The following LAMA2 variants were observed in gnomAD, a reference collection of about 807,000 sequenced individuals.
LAMA2 encodes laminin subunit alpha 2, also known as laminin subunit alpha-2.
A neutral mutation model predicts 364.8 loss-of-function variants in LAMA2; 269 were observed. The observed-to-expected ratio is 0.74, with a 90% CI of 0.67 to 0.82. The LOEUF (loss-of-function observed/expected upper bound fraction) is 0.82, where lower values mean the gene tolerates loss of function less well. Among genes scored for constraint, LAMA2 ranks in the 40% least tolerant of loss-of-function variants. The pLI is 0.00. For synonymous variants in LAMA2, 1,379 were observed against 1,370.6 expected, an observed-to-expected ratio of 1.01 and a Z score of -0.14; for missense variants, 3,807 against 3,873.2, an observed-to-expected ratio of 0.98 and a Z score of 0.45.
intron 29 of LAMA2, among the ~76,000 whole-genome samples, chr6:129,334,841 C>T (rs1280520796): frequency 1.3e-5 from 2 of 152,038 alleles, no homozygotes; most frequent in Non-Finnish European, 2.9e-5. Context: ...GCCCTAATCC[C>T]ACTCATGAGG....
chr6:129,074,316 G>T (rs1353378302), intron 3 of LAMA2, among the ~76,000 whole-genome samples: 1 of 152,164 alleles, frequency 6.6e-6, no homozygotes, highest in East Asian at 1.9e-4. Context: ...AAGAATGTAG[G>T]TCTCATTTCT....
At chr6:129,459,699 C>T (rs996565598) in intron 48 of LAMA2, among the ~76,000 whole-genome samples, 1 of 152,056 alleles carries the variant, frequency 6.6e-6, no homozygotes, top group African/African-American at 2.4e-5. Context: ...TGTCCCCTTT[C>T]TTCTGATCTC....
intron 10 of LAMA2, among the ~76,000 whole-genome samples, chr6:129,189,244 A>T (rs574086583): frequency 7.9e-6 from 1 of 126,112 alleles, no homozygotes; most frequent in Non-Finnish European, 1.9e-5. Flanking sequence ...GGAATTTTTT[A>T]AAAAGCCTCA....
intron 9 of LAMA2, among the ~76,000 whole-genome samples, chr6:129,170,795 A>T (rs1263434937): frequency 1.3e-5 from 2 of 150,044 alleles, no homozygotes; most frequent in South Asian, 2.1e-4. Context: ...CCCATTATTA[A>T]TGTGTGGGAG....
intron 12 of LAMA2, among the ~76,000 whole-genome samples, chr6:129,245,204 A>G (rs1785667506): frequency 6.6e-6 from 1 of 152,086 alleles, no homozygotes; most frequent in African/African-American, 2.4e-5. Flanking sequence ...AATGGAATGA[A>G]CCGCTCTCAC....
intron 4 of LAMA2, among the ~76,000 whole-genome samples, chr6:129,134,821 G>T (rs1035864003): frequency 2.0e-5 from 3 of 152,142 alleles, no homozygotes; most frequent in African/African-American, 4.8e-5. Flanking sequence ...CCCTGCTTTA[G>T]CCCTCAACTC....
At chr6:129,033,430 T>A (rs1365899459) in intron 1 of LAMA2, among the ~76,000 whole-genome samples, 1 of 152,300 alleles carries the variant, frequency 6.6e-6, no homozygotes, top group South Asian at 2.1e-4. Flanking sequence ...CATCAAAGCA[T>A]AGATGAGTCT....
At chr6:129,491,879 T>C (rs755527183) in intron 56 of LAMA2, 22 bp from the exon 57 acceptor site, 36 of 1,564,262 alleles carry the variant, frequency 2.3e-5, no homozygotes, top group Admixed American at 5.0e-5. Context: ...CTTATACTTG[T>C]TTATTTTTAA....
At chr6:129,219,914 A>G (rs902119648) in intron 12 of LAMA2, among the ~76,000 whole-genome samples, 3 of 151,444 alleles carry the variant, frequency 2.0e-5, no homozygotes, top group African/African-American at 7.4e-5. Flanking sequence ...GCACATGTAT[A>G]CATATGTAAC....
At chr6:129,166,027 G>A (rs1779724977) in intron 9 of LAMA2, among the ~76,000 whole-genome samples, 1 of 152,118 alleles carries the variant, frequency 6.6e-6, no homozygotes, top group Admixed American at 6.6e-5. Context: ...GCTTCTATGA[G>A]TTCTAGCATG....
chr6:129,473,488 A>G (rs925907187), intron 52 of LAMA2, 136 bp downstream of exon 52: 36 of 763,668 alleles, frequency 4.7e-5, no homozygotes, highest in Non-Finnish European at 6.7e-5. Context: ...CAAAAACATC[A>G]TGTTGCATGT....
At chr6:129,062,235 T>A (rs1206401576) in intron 3 of LAMA2, among the ~76,000 whole-genome samples, 1 of 152,182 alleles carries the variant, frequency 6.6e-6, no homozygotes, top group Non-Finnish European at 1.5e-5. Flanking sequence ...TAATCCTGAA[T>A]AAACCAGCTA....
intron 45 of LAMA2, among the ~76,000 whole-genome samples, chr6:129,450,156 C>CT: frequency 6.9e-6 from 1 of 144,504 alleles, no homozygotes; most frequent in East Asian, 2.1e-4. Flanking sequence ...CATGGAATCC[C>CT]GTTTTTTTTT....
chr6:129,124,314 A>G (rs1244268520), intron 4 of LAMA2, among the ~76,000 whole-genome samples: 1 of 152,174 alleles, frequency 6.6e-6, no homozygotes, highest in Non-Finnish European at 1.5e-5. Context: ...TGGAAGGTAG[A>G]GATGATGTCC....
chr6:129,149,055 C>G lies in LAMA2; in HGVS notation c.986C>G (p.Pro329Arg). 1 of 1,612,808 alleles carries G rather than the reference C, an allele frequency of 6.2e-7. No homozygotes were observed. The highest frequency in any genetic ancestry group is 8.5e-7 in the Non-Finnish European group (1 of 1,179,008). Residue 329 changes from proline (P) to arginine (R), a missense_variant, in exon 7 of 65, where the codon CCC becomes CGC. Transcript: ENST00000421865. ...DQCCPGFHQK[P>R]WRAGTFLTKT... is the part of the protein sequence containing the mutation. ...TGCTGTCCAGGATTCCATCAGAAACCCTGGAGAGCTGGAACTTTTCTAACT... is the reference window on the plus strand; with the variant it reads ...TGCTGTCCAGGATTCCATCAGAAACGCTGGAGAGCTGGAACTTTTCTAACT...
intron 37 of LAMA2, among the ~76,000 whole-genome samples, chr6:129,399,795 A>G (rs1032191621): frequency 4.6e-5 from 7 of 152,150 alleles, no homozygotes; most frequent in Non-Finnish European, 1.0e-4. Flanking sequence ...CGGTGAAGGG[A>G]AGGAAAGAAG....
At chr6:128,995,524 G>A (rs537264549) in intron 1 of LAMA2, among the ~76,000 whole-genome samples, 8 of 152,130 alleles carry the variant, frequency 5.3e-5, no homozygotes, top group African/African-American at 1.9e-4. Flanking sequence ...GGGTTTCGCC[G>A]TGTTGGCCGG....
intron 12 of LAMA2, among the ~76,000 whole-genome samples, chr6:129,228,136 G>A (rs939564184): frequency 8.5e-5 from 13 of 152,178 alleles, no homozygotes; most frequent in African/African-American, 2.7e-4. Context: ...AGCCAGGTGT[G>A]GGATATAATC....
At position 128,925,472 on chromosome 6, in the gene LAMA2, A is replaced by AGTATAATG. The variant is rs1487103099; in HGVS notation, c.112+42118_112+42125dup. On this transcript the variant is annotated intron_variant, in intron 1 of 64. Coordinates refer to ENST00000421865, the MANE Select transcript of LAMA2 (RefSeq NM_000426.4). ...AGTAGTCAGAATCATAGAGACAGAA[A>AGTATAATG]GTATAATGGTGATTACTAGCGGCTG... 2.6e-5 allele frequency among the ~76,000 whole-genome samples: 4 copies of AGTATAATG among 152,312 alleles called. No individual in the cohort carries two copies. The East Asian group carries it at 7.7e-4, about 29-fold the overall frequency.
Sources: allele counts gnomAD v4.1 joint callset (sites outside exome capture counted in the v4.1 genomes callset), GRCh38; gene constraint gnomAD v4.1.1; transcripts MANE v1.5; gene names NCBI Gene and HGNC (gene_info 2026-07-23, HGNC 2026-07-21).